TEX36: variants seen among roughly 807,000 people sequenced by gnomAD.
TEX36 encodes the protein testis-expressed protein 36.
TEX36 carries 12 observed loss-of-function variants against 13.6 expected under a neutral mutation model. The observed-to-expected ratio is 0.88, with a 90% CI of 0.56 to 1.43. TEX36 has a LOEUF of 1.43. Ranked by LOEUF, TEX36 falls within the 40% of genes most tolerant of loss-of-function variation. The probability of loss-of-function intolerance (pLI) is 0.00; values close to 1 mark genes in which losing one functional copy is unlikely to be tolerated. For missense variants in TEX36, 224 were observed against 228.3 expected (o/e 0.98, Z 0.12); for synonymous variants, 93 against 83.0 (o/e 1.12, Z -0.65).
At chr10:125,642,104 G>C (rs1846701081) in intron 3 of TEX36, among the ~76,000 whole-genome samples, 1 of 152,164 alleles carries the variant, frequency 6.6e-6, no homozygotes, top group African/African-American at 2.4e-5. Context: ...ACTCCTGTTA[G>C]AGACTGTTGG....
rs1295880049 is a variant in TEX36, at chr10:125,631,487, G to A, written c.265-9842C>T. Among the ~76,000 whole-genome samples the A allele has an allele frequency of 2.6e-5, 4 of 152,172 alleles. No individual in the cohort carries two copies. The East Asian group carries it at 5.8e-4, about 22-fold the overall frequency. ...AGAGAAAAGCGCATTTTCTGAATGT[G>A]TTCTCTTAGAGGCAGGAATGATCAA... is the stretch of plus-strand genomic sequence containing the variant. On this transcript the variant is annotated intron_variant, in intron 3 of 3. Coordinates refer to the TEX36 transcript ENST00000526819.
At chr10:125,682,821 G>A in intron 1 of TEX36, 118 bp downstream of exon 1, 2 of 1,128,824 alleles carry the variant, frequency 1.8e-6, no homozygotes, top group Non-Finnish European at 2.6e-6. Context: ...TGAGTAAAGT[G>A]AAGTGATTTG....
chr10:125,680,311 G>A (rs1847374301), intron 1 of TEX36, among the ~76,000 whole-genome samples: 1 of 152,140 alleles, frequency 6.6e-6, no homozygotes, highest in African/African-American at 2.4e-5. Context: ...AATGACAACT[G>A]AGTTGGGTTC....
At chr10:125,676,699 T>C (rs1033435052) in intron 1 of TEX36, among the ~76,000 whole-genome samples, 13 of 152,234 alleles carry the variant, frequency 8.5e-5, no homozygotes, top group African/African-American at 3.1e-4. Flanking sequence ...TTTCTTCCTT[T>C]CTTTTTATCT....
At chr10:125,604,072 G>T (rs913691621) in intron 3 of TEX36, among the ~76,000 whole-genome samples, 2 of 152,148 alleles carry the variant, frequency 1.3e-5, no homozygotes, top group Non-Finnish European at 1.5e-5. Flanking sequence ...TGTCAGAGTT[G>T]ATAAGTCGGG....
chr10:125,654,373 A>T (rs1846909482), downstream of TEX36, among the ~76,000 whole-genome samples: 1 of 152,210 alleles, frequency 6.6e-6, no homozygotes, highest in Admixed American at 6.5e-5. Flanking sequence ...AAACATGGAA[A>T]AGAAACACAT....
Position 125,657,399 on chromosome 10 carries a change from A to G in TEX36, c.265-1203T>C, listed in dbSNP as rs146650088. The stretch of plus-strand genomic sequence containing the variant: ...CAGCCCCCAGAACCAGAGTAGGGAG[A>G]AGAGGAGAGTGGGACTGGAGGGACA... On this transcript the variant is annotated intron_variant, in intron 3 of 3. Coordinates refer to ENST00000368821, the MANE Select transcript of TEX36 (RefSeq NM_001128202.3). Among the ~76,000 whole-genome samples, 1,147 of 152,194 alleles carry G rather than the reference A, an allele frequency of 7.5e-3. 12 individuals carry two copies. The highest frequency in any genetic ancestry group is 0.04 in the South Asian group (193 of 4,810).
rs1713155933 is a variant in TEX36 at position 125,646,267 on chromosome 10, AG to A, written c.264+14753del. On this transcript the variant is annotated intron_variant, in intron 3 of 3. Transcript: ENST00000526819. ...CTTGAACCCCGGAGGTCAAGGTTGC[AG>A]TGAGACATGATTATGCAACTGCACA... 2.0e-5 allele frequency among the ~76,000 whole-genome samples: 3 copies of A among 152,304 alleles called. No homozygotes were observed. The South Asian group carries it at 6.2e-4, about 32-fold the overall frequency.
At chr10:125,661,785 C>T (rs991439195) in intron 2 of TEX36, 61 bp downstream of exon 2, 4 of 1,531,170 alleles carry the variant, frequency 2.6e-6, no homozygotes. Flanking sequence ...AACGTGCCAG[C>T]GGCGCTGCCC....
chr10:125,651,360 G>A (rs1036710856), downstream of TEX36, among the ~76,000 whole-genome samples: 2 of 152,080 alleles, frequency 1.3e-5, no homozygotes, highest in African/African-American at 2.4e-5. Flanking sequence ...ATCAATAAAC[G>A]TAACCCATCA....
intron 3 of TEX36, among the ~76,000 whole-genome samples, chr10:125,596,043 T>G (rs182700444): frequency 1.3e-5 from 2 of 152,306 alleles, no homozygotes; most frequent in Non-Finnish European, 2.9e-5. Flanking sequence ...CAGAAATTAT[T>G]TCAAAATACT....
At chr10:125,661,415 G>A (rs1349931429) in intron 2 of TEX36, among the ~76,000 whole-genome samples, 1 of 152,182 alleles carries the variant, frequency 6.6e-6, no homozygotes, top group African/African-American at 2.4e-5. Context: ...AAGGACTTTT[G>A]AGGCCGTGTA....
chr10:125,682,053 G>A (rs935010817), intron 1 of TEX36, among the ~76,000 whole-genome samples: 9 of 152,196 alleles, frequency 5.9e-5, no homozygotes, highest in Admixed American at 6.5e-5. Context: ...AGAAGTCGAC[G>A]TCAGGTTTTT....
At chr10:125,608,258 G>GAC (rs1846239199) in intron 3 of TEX36, among the ~76,000 whole-genome samples, 1 of 131,904 alleles carries the variant, frequency 7.6e-6, no homozygotes, top group Non-Finnish European at 1.5e-5. Flanking sequence ...GTGGGTGGTG[G>GAC]AAATGTCCTA....
intron 3 of TEX36, among the ~76,000 whole-genome samples, chr10:125,648,317 G>T (rs568039362): frequency 6.6e-6 from 1 of 152,174 alleles, no homozygotes; most frequent in Non-Finnish European, 1.5e-5. Context: ...CCAGAGGAAG[G>T]ATCAGGCAAC....
At chr10:125,594,951 C>G (rs1314554031) in intron 3 of TEX36, among the ~76,000 whole-genome samples, 5 of 152,020 alleles carry the variant, frequency 3.3e-5, no homozygotes, top group Non-Finnish European at 1.5e-5. Context: ...ATTGAAGAAG[C>G]TCTAGAAGGA....
In TEX36 at chr10:125,655,761, T is replaced by C. The variant is rs1846929887; in HGVS notation, c.*139A>G. On this transcript the variant is annotated 3_prime_UTR_variant, in exon 4 of 4. Transcript: ENST00000368821. The stretch of plus-strand genomic sequence containing the variant: ...CATCACAAATTCATTTCACAAGGAT[T>C]TGAATGTTTTTTGACCTTATAAAAA... 6.7e-6 allele frequency: 9 copies of C among 1,337,876 alleles called. No individual in the cohort carries two copies. Among genetic ancestry groups the C allele is most frequent in the Non-Finnish European group, 7.6e-6 (8 of 1,045,884 alleles). 82.9% of individuals were successfully genotyped at this position (1,337,876 alleles called of 1,614,324 possible).
chr10:125,593,343 C>T lies in TEX36; in HGVS notation c.265-16469G>A, dbSNP rs182287827. Among the ~76,000 whole-genome samples, 550 of 152,296 alleles carry T rather than the reference C, an allele frequency of 3.6e-3. 21 individuals carry two copies. Among genetic ancestry groups the T allele is most frequent in the South Asian group, 1.2e-3 (6 of 4,820 alleles). ...GATTCAGGAGGAAAGAAATCATCCC[C>T]AACTCCTGAGAAGTTGCCATACTCT... is the stretch of plus-strand genomic sequence containing the variant. On this transcript the variant is annotated intron_variant, in intron 3 of 3. Transcript: ENST00000532135.
chr10:125,669,223 G>A (rs1012947579), intron 1 of TEX36, among the ~76,000 whole-genome samples: 1 of 152,126 alleles, frequency 6.6e-6, no homozygotes, highest in African/African-American at 2.4e-5. Flanking sequence ...CCCAGGAGGC[G>A]GAGGTTGCAG....
Sources: gnomAD v4.1 joint callset for allele counts (sites outside exome capture counted in the v4.1 genomes callset) on GRCh38, gnomAD v4.1.1 for gene constraint, MANE v1.5 for transcripts, NCBI Gene and HGNC (gene_info 2026-07-23, HGNC 2026-07-21) for gene names.